Variants in ARHGAP40 observed in about 807,000 individuals in gnomAD.
ARHGAP40 encodes the protein Rho GTPase activating protein 40.
ARHGAP40 carries 43 observed loss-of-function variants against 73.5 expected under a neutral mutation model. The ratio of observed to expected loss-of-function variants is 0.58; its 90% CI spans 0.46 to 0.75. ARHGAP40 has a LOEUF of 0.75. Among genes scored for constraint, ARHGAP40 ranks in the 30% least tolerant of loss-of-function variants. The probability of loss-of-function intolerance (pLI) is 0.00; values close to 1 mark genes in which losing one functional copy is unlikely to be tolerated. For synonymous variants in ARHGAP40, 300 were observed against 352.8 expected (o/e 0.85, Z 1.68); for missense variants, 734 against 861.8 (o/e 0.85, Z 1.86).
At chr20:38,614,147 C>T (rs149111308) in intron 1 of ARHGAP40, among the ~76,000 whole-genome samples, 12 of 152,234 alleles carry the variant, frequency 7.9e-5, no homozygotes, top group African/African-American at 2.6e-4. Context: ...AGAGGGGCAC[C>T]ATTTACGTAG....
chr20:38,613,949 G>T (rs981984766), intron 1 of ARHGAP40, among the ~76,000 whole-genome samples: 1 of 152,210 alleles, frequency 6.6e-6, no homozygotes, highest in Non-Finnish European at 1.5e-5. Context: ...TAATGGGAAA[G>T]TTGTAGCCAT....
At chr20:38,627,207 A>G in exon 3 of ARHGAP40, 2 of 1,305,348 alleles carry the variant, frequency 1.5e-6, no homozygotes, top group African/African-American at 1.5e-5. Flanking sequence ...TGGGGTCTTC[A>G]ATTCAGGGGT....
At chr20:38,627,665 G>GGTGTGTTGGTGTGTGTGTTGTGT (rs1310136310) in intron 3 of ARHGAP40, among the ~76,000 whole-genome samples, 1 of 144,616 alleles carries the variant, frequency 6.9e-6, no homozygotes, top group African/African-American at 2.6e-5. Flanking sequence ...TGTGTGTGGG[G>GGTGTGTTGGTGTGTGTGTTGTGT]GTGTGTTGGT....
chr20:38,645,607 C>G (rs76138960), intron 11 of ARHGAP40, among the ~76,000 whole-genome samples: 3 of 152,122 alleles, frequency 2.0e-5, no homozygotes, highest in Non-Finnish European at 4.4e-5. Context: ...TCTGACTCTG[C>G]TGGGTTCGGA....
intron 1 of ARHGAP40, among the ~76,000 whole-genome samples, chr20:38,604,680 C>T (rs1178314088): frequency 6.6e-6 from 1 of 152,102 alleles, no homozygotes; most frequent in Non-Finnish European, 1.5e-5. Context: ...AAGCGTGAGC[C>T]AATGCGCCTG....
In ARHGAP40 at chr20:38,646,514, G is replaced by A. The variant is rs551121177; in HGVS notation, c.1710+327G>A. On this transcript the variant is annotated intron_variant, in intron 12 of 14. Coordinates refer to ENST00000373345, the Ensembl canonical transcript of ARHGAP40. The surrounding 1 kb of genome is among the most constrained non-coding windows in gnomAD (Gnocchi z 4.5). ...GCGGGGTGTGAGGTGATTGGGGCTG[G>A]GTGGGGGATAGTAGAAGGGAAGAGC... 4.6e-5 allele frequency among the ~76,000 whole-genome samples: 7 copies of A among 152,326 alleles called. No homozygotes were observed. In the South Asian group the frequency reaches 1.5e-3, roughly 32 times the overall value.
intron 4 of ARHGAP40, 142 bp from the exon 5 acceptor site, chr20:38,629,359 CT>C: frequency 2.4e-6 from 2 of 850,422 alleles, no homozygotes; most frequent in Non-Finnish European, 3.2e-6. Context: ...AGCCCTAAAC[CT>C]AATGATTTGA....
intron 11 of ARHGAP40, among the ~76,000 whole-genome samples, chr20:38,644,372 C>T (rs2089039008): frequency 6.6e-6 from 1 of 152,070 alleles, no homozygotes; most frequent in Admixed American, 6.5e-5. Context: ...GAGAGAGGCC[C>T]CTCTGCGGTG....
intron 1 of ARHGAP40, among the ~76,000 whole-genome samples, chr20:38,614,013 T>G (rs1282334389): frequency 6.6e-6 from 1 of 152,144 alleles, no homozygotes; most frequent in Non-Finnish European, 1.5e-5. Flanking sequence ...AAAGGTAAGA[T>G]TTACCTTTTA....
chr20:38,628,651 A>G (rs537705704), intron 3 of ARHGAP40, among the ~76,000 whole-genome samples: 1 of 152,280 alleles, frequency 6.6e-6, no homozygotes, highest in South Asian at 2.1e-4. Flanking sequence ...CTGACACTTG[A>G]AGCCTGATAG....
intron 1 of ARHGAP40, chr20:38,615,563 G>A (rs1022279317): frequency 4.8e-5 from 26 of 546,956 alleles, no homozygotes; most frequent in Middle Eastern, 4.2e-4. Context: ...TGTTTTCCCC[G>A]AGATTGCCTT....
At chr20:38,638,553 C>T (rs1338448911) in intron 7 of ARHGAP40, among the ~76,000 whole-genome samples, 1 of 152,108 alleles carries the variant, frequency 6.6e-6, no homozygotes, top group African/African-American at 2.4e-5. Flanking sequence ...CAGTATCCTC[C>T]TCTTATCAAT....
In ARHGAP40 at chr20:38,632,985, T is replaced by C. The variant is rs1035955387; in HGVS notation, c.784-1635T>C. 2.0e-5 allele frequency among the ~76,000 whole-genome samples: 3 copies of C among 152,088 alleles called. 1 individual carries two copies. The highest frequency in any genetic ancestry group is 7.2e-5 in the African/African-American group (3 of 41,408). ...TAAAAATACAAAAGTTAGCTGGGTG[T>C]GGTGGTACACAACTATAATCCCAGC... On this transcript the variant is annotated intron_variant, in intron 5 of 14. Transcript: ENST00000373345.
chr20:38,628,603 TG>T (rs2088917826), intron 3 of ARHGAP40, among the ~76,000 whole-genome samples: 1 of 152,190 alleles, frequency 6.6e-6, no homozygotes. Context: ...CACGCCCGGC[TG>T]GCACAAAATA....
At chr20:38,611,825 C>T (rs113582724) in intron 1 of ARHGAP40, among the ~76,000 whole-genome samples, 4,875 of 152,118 alleles carry the variant, frequency 0.032, 253 homozygotes, top group African/African-American at 0.11. Context: ...CCTCCCACCT[C>T]GGCCTCCCAA....
chr20:38,612,102 A>G (rs1422523565), intron 1 of ARHGAP40, among the ~76,000 whole-genome samples: 2 of 152,182 alleles, frequency 1.3e-5, no homozygotes, highest in Non-Finnish European at 2.9e-5. Flanking sequence ...ATGTAACCCA[A>G]TATGTCCAGA....
At chr20:38,607,638 T>G (rs911293070) in intron 1 of ARHGAP40, among the ~76,000 whole-genome samples, 3 of 152,158 alleles carry the variant, frequency 2.0e-5, no homozygotes, top group Non-Finnish European at 4.4e-5. Context: ...TCACCCTGCC[T>G]GCAATGTGGA....
At chr20:38,622,509 G>A (rs943671576) in intron 1 of ARHGAP40, among the ~76,000 whole-genome samples, 9 of 152,194 alleles carry the variant, frequency 5.9e-5, no homozygotes, top group Non-Finnish European at 1.2e-4. Flanking sequence ...GACTTGCACT[G>A]TCTTACCCTG....
chr20:38,640,323 T>C (rs2089010680), intron 9 of ARHGAP40, among the ~76,000 whole-genome samples: 2 of 151,616 alleles, frequency 1.3e-5, no homozygotes, highest in African/African-American at 4.8e-5. Flanking sequence ...TTCAAGTGAT[T>C]CTCCTGCCTC....
Sources: gnomAD v4.1 joint callset for allele counts (sites outside exome capture counted in the v4.1 genomes callset) on GRCh38, gnomAD v4.1.1 for gene constraint, Gnocchi (gnomAD v3.1) non-coding constraint, MANE v1.5 for transcripts, NCBI Gene and HGNC (gene_info 2026-07-23, HGNC 2026-07-21) for gene names.